The following ABCA1 variants were observed in gnomAD, a reference collection of about 807,000 sequenced individuals.
ABCA1 encodes the protein phospholipid-transporting ATPase ABCA1.
ABCA1 carries 133 observed loss-of-function variants against 262.5 expected under a neutral mutation model. That is an observed-to-expected ratio of 0.51 (90% CI 0.44 to 0.59). The LOEUF (loss-of-function observed/expected upper bound fraction) is 0.59. ABCA1 is among the 20% of genes least tolerant of loss of function. The pLI, the probability that ABCA1 is intolerant of heterozygous loss-of-function variation, is 0.00. For missense variants in ABCA1, 2,452 were observed against 2,777.5 expected (o/e 0.88, Z 2.63); for synonymous variants, 1,022 against 1,043.5 (o/e 0.98, Z 0.40).
intron 6 of ABCA1, chr9:104,861,403 C>T: frequency 3.4e-6 from 2 of 588,834 alleles, no homozygotes; most frequent in South Asian, 4.1e-5. Flanking sequence ...AAAATGTATC[C>T]CTTGTAGGAG....
intron 5 of ABCA1, among the ~76,000 whole-genome samples, chr9:104,880,351 T>C (rs1199867809): frequency 1.3e-5 from 2 of 152,052 alleles, no homozygotes; most frequent in Non-Finnish European, 2.9e-5. Context: ...CAGCAAAAAG[T>C]TGGCCAGGTG....
intron 5 of ABCA1, among the ~76,000 whole-genome samples, chr9:104,877,016 A>C (rs75516297): frequency 0.015 from 2,304 of 152,328 alleles, 53 homozygotes; most frequent in African/African-American, 0.048. Context: ...CATATTGCTA[A>C]GACCCCCAGA....
chr9:104,786,193 C>T, intron 48 of ABCA1, 105 bp downstream of exon 48: 2 of 965,786 alleles, frequency 2.1e-6, no homozygotes, highest in Non-Finnish European at 3.3e-6. Context: ...CTGTTTTGCT[C>T]AGTTTTATTT....
chr9:104,907,085 G>C (rs897331452), intron 1 of ABCA1, among the ~76,000 whole-genome samples: 3 of 152,130 alleles, frequency 2.0e-5, no homozygotes, highest in Non-Finnish European at 4.4e-5. Flanking sequence ...AGGTCTACCT[G>C]GCCTCCCTTC....
rs187146190 is a variant in ABCA1 at position 104,903,093 on chromosome 9, G to A, written c.66+521C>T. 4.1e-4 allele frequency among the ~76,000 whole-genome samples: 62 copies of A among 152,260 alleles called. 1 individual carries two copies. The highest frequency in any genetic ancestry group is 1.5e-3 in the African/African-American group (61 of 41,554). On this transcript the variant is annotated intron_variant, in intron 2 of 49. Coordinates refer to ENST00000374736, the MANE Select transcript of ABCA1 (RefSeq NM_005502.4). Reference sequence around the variant, plus strand: ...CTCCAGATTACTCAAAGCATTATTGGCCCATCTGGGAAGTGAATGGCTTAG... The same window carrying A: ...CTCCAGATTACTCAAAGCATTATTGACCCATCTGGGAAGTGAATGGCTTAG...
chr9:104,849,695 T>C (rs1485302313), intron 7 of ABCA1, among the ~76,000 whole-genome samples: 3 of 152,214 alleles, frequency 2.0e-5, no homozygotes, highest in Non-Finnish European at 4.4e-5. Flanking sequence ...ATTTTGCTCA[T>C]GACTTAATTT....
At chr9:104,836,288 C>A (rs529619814) in intron 11 of ABCA1, among the ~76,000 whole-genome samples, 1 of 152,326 alleles carries the variant, frequency 6.6e-6, no homozygotes, top group South Asian at 2.1e-4. Flanking sequence ...AAAATCCTCA[C>A]CTGCTTCTTA....
intron 4 of ABCA1, among the ~76,000 whole-genome samples, chr9:104,884,137 G>A (rs916047197): frequency 6.6e-6 from 1 of 152,262 alleles, no homozygotes; most frequent in African/African-American, 2.4e-5. Flanking sequence ...TCAGATGCAC[G>A]TCTGCTGCAT....
chr9:104,883,848 A>G (rs1838907695), intron 4 of ABCA1, among the ~76,000 whole-genome samples: 1 of 152,202 alleles, frequency 6.6e-6, no homozygotes, highest in Non-Finnish European at 1.5e-5. Context: ...TTTGGGGGAC[A>G]CTTATTATGC....
intron 34 of ABCA1, among the ~76,000 whole-genome samples, chr9:104,800,864 G>A (rs1394315198): frequency 1.3e-5 from 2 of 152,134 alleles, no homozygotes; most frequent in African/African-American, 4.8e-5. Context: ...TTATCACGGT[G>A]GGGTGAGGAC....
In ABCA1 at chr9:104,837,059, T is replaced by C. The variant is rs1564157648; in HGVS notation, c.1232A>G (p.Asp411Gly). 6.2e-7 allele frequency: 1 copy of C among 1,613,912 alleles called. No individual in the cohort carries two copies. Among genetic ancestry groups the C allele is most frequent in the Non-Finnish European group, 8.5e-7 (1 of 1,180,022 alleles). ...KTFQELAVFHDLEGMWEELSP... is the reference protein window; with the variant it reads ...KTFQELAVFHGLEGMWEELSP... Reference sequence around the variant, plus strand: ...GAGTTCCTCCCACATGCCTTCCAGATCATGGAACACAGCCAGTTCCTGGAA... The same window carrying C: ...GAGTTCCTCCCACATGCCTTCCAGACCATGGAACACAGCCAGTTCCTGGAA... Residue 411 changes from aspartate (D) to glycine (G), a missense_variant, in exon 11 of 50, where the codon GAT becomes GGT. Asp to Gly is a moderately conservative substitution (Grantham distance 94, BLOSUM62 -1). Coordinates refer to ENST00000374736, the MANE Select transcript of ABCA1 (RefSeq NM_005502.4).
At chr9:104,784,701 T>C (rs1229116730) in intron 49 of ABCA1, among the ~76,000 whole-genome samples, 1 of 152,214 alleles carries the variant, frequency 6.6e-6, no homozygotes, top group Non-Finnish European at 1.5e-5. Flanking sequence ...TGGAGTGCAG[T>C]GGCGAGACCT....
chr9:104,806,297 T>C lies in ABCA1; in HGVS notation c.4408A>G (p.Ile1470Val). Residue 1470 changes from isoleucine (I) to valine (V), a missense_variant, in exon 31 of 50, where the codon ATC becomes GTC. Coordinates refer to ENST00000374736, the MANE Select transcript of ABCA1 (RefSeq NM_005502.4). ...SPACQCSSDK[I>V]KKMLPVCPPG... ...GGACACACAGGCAGCATCTTCTTGA[T>C]TTTGTCGCTGCTACACTGGCATGCA... 3 of 1,614,050 alleles carry C rather than the reference T, an allele frequency of 1.9e-6. No homozygotes were observed. Among genetic ancestry groups the C allele is most frequent in the Non-Finnish European group, 2.5e-6 (3 of 1,180,028 alleles).
At chr9:104,794,087 C>T (rs760741412) in intron 40 of ABCA1, among the ~76,000 whole-genome samples, 3 of 152,206 alleles carry the variant, frequency 2.0e-5, no homozygotes, top group Non-Finnish European at 4.4e-5. Context: ...TTTTCCAGTG[C>T]TTCTAACCAA....
At chr9:104,884,700 T>G in intron 3 of ABCA1, 132 bp from the exon 4 acceptor site, 2 of 1,091,592 alleles carry the variant, frequency 1.8e-6, no homozygotes, top group South Asian at 1.3e-5. Context: ...GACCTGTCTC[T>G]TCTGAATAAA....
At position 104,816,232 on chromosome 9, in the gene ABCA1, C is replaced by T. The variant is rs1831744845; in HGVS notation, c.3649G>A (p.Ala1217Thr). The change falls in exon 25 of 50, where the codon GCC becomes ACC. Residue 1217 changes from alanine to threonine, a missense_variant. Ala to Thr is a moderately conservative substitution (Grantham distance 58, BLOSUM62 0). Coordinates refer to ENST00000374736, the MANE Select transcript of ABCA1 (RefSeq NM_005502.4). ...VLPYEAAKEG[A>T]FVELFHEIDD... ...ATCTCATGAAAGAGTTCCACAAAGG[C>T]TCCCTCCTTAGCAGCTTCATATGGC... is the stretch of plus-strand genomic sequence containing the variant. 10 of 1,614,056 alleles carry T rather than the reference C, an allele frequency of 6.2e-6. No homozygotes were observed. The highest frequency in any genetic ancestry group is 3.3e-5 in the South Asian group (3 of 91,086).
intron 1 of ABCA1, among the ~76,000 whole-genome samples, chr9:104,915,921 C>CA (rs1469225906): frequency 2.6e-5 from 4 of 152,084 alleles, no homozygotes; most frequent in Non-Finnish European, 4.4e-5. Context: ...GTCAGAGTGC[C>CA]ATGCCCTTCT....
chr9:104,821,438 G>C lies in ABCA1; in HGVS notation c.2897C>G (p.Ser966Cys). The C allele has an allele frequency of 6.2e-7, 1 of 1,614,166 alleles. No individual in the cohort carries two copies. Among genetic ancestry groups the C allele is most frequent in the Non-Finnish European group, 8.5e-7 (1 of 1,180,038 alleles). Residue 966 changes from serine (S) to cysteine (C), a missense_variant, in exon 20 of 50, where the codon TCT (serine) becomes TGT (cysteine). Around this residue, in one of 4 missense-constraint regions of ABCA1, gnomAD observed 665 missense variants for 727.3 expected, o/e 0.91. Coordinates refer to ENST00000374736, the MANE Select transcript of ABCA1 (RefSeq NM_005502.4). ...GTTCTGCCGGATGGTGCTCATCTCA[G>C]AGCGAATGTCTTTTCCCAGGATGTA... is the stretch of plus-strand genomic sequence containing the variant. ...TAYILGKDIR[S>C]EMSTIRQNLG...
intron 29 of ABCA1, 89 bp downstream of exon 29, chr9:104,810,711 T>A: frequency 6.3e-7 from 1 of 1,598,470 alleles, no homozygotes; most frequent in Non-Finnish European, 8.6e-7. Context: ...TTCCACCGTG[T>A]AATTCTGAAG....
Sources: allele counts gnomAD v4.1 joint callset (sites outside exome capture counted in the v4.1 genomes callset), GRCh38; gene constraint gnomAD v4.1.1; regional missense constraint gnomAD v4.1.1; transcripts MANE v1.5; gene names NCBI Gene and HGNC (gene_info 2026-07-23, HGNC 2026-07-21).